The following ALG9 variants were observed in gnomAD, a reference collection of about 807,000 sequenced individuals.
The protein encoded by ALG9 is alpha-1,2-mannosyltransferase ALG9.
ALG9 carries 55 observed loss-of-function variants against 81.8 expected under a neutral mutation model. That is an observed-to-expected ratio of 0.67 (90% confidence interval 0.54 to 0.84). The LOEUF is 0.84. ALG9 is among the 40% of genes least tolerant of loss of function. ALG9 has a pLI of 0.00. For missense variants in ALG9, 629 were observed against 745.0 expected (o/e 0.84, Z 1.81); for synonymous variants, 278 against 274.3 (o/e 1.01, Z -0.13).
chr11:111,825,371 A>T (rs1201091270), intron 13 of ALG9, among the ~76,000 whole-genome samples: 5 of 152,264 alleles, frequency 3.3e-5, no homozygotes. Flanking sequence ...ACACCGTCAC[A>T]TACATAAATA....
intron 13 of ALG9, 137 bp from the exon 14 acceptor site, chr11:111,809,910 C>T (rs1555089596): frequency 2.1e-6 from 2 of 949,602 alleles, no homozygotes; most frequent in African/African-American, 1.6e-5. Flanking sequence ...GTTGCCTATG[C>T]TCTCTCCACT....
At chr11:111,871,240 CGCGGTG>C in intron 1 of ALG9, 106 bp downstream of exon 1, 2 of 1,315,250 alleles carry the variant, frequency 1.5e-6, no homozygotes, top group Non-Finnish European at 1.9e-6. Context: ...TCGGGCCTCC[CGCGGTG>C]AGGCCAGGCC....
chr11:111,850,998 G>A (rs998494506), intron 8 of ALG9, among the ~76,000 whole-genome samples: 1 of 152,196 alleles, frequency 6.6e-6, no homozygotes, highest in Admixed American at 6.5e-5. Context: ...CTCTTTCCCT[G>A]TTAAACGCTG....
chr11:111,847,729 A>G (rs1365690044), intron 8 of ALG9, among the ~76,000 whole-genome samples: 1 of 152,104 alleles, frequency 6.6e-6, no homozygotes, highest in Non-Finnish European at 1.5e-5. Flanking sequence ...TCTAAGTGCC[A>G]AATGTTCTTT....
chr11:111,829,011 C>G (rs1388405845), intron 13 of ALG9: 1 of 152,158 alleles, frequency 6.6e-6, no homozygotes, highest in Non-Finnish European at 1.5e-5. Flanking sequence ...AAAACACCAA[C>G]TGTCTACTGC....
rs572807870 is a variant in ALG9, at chr11:111,793,739, T to G, written c.1734-7219A>C. Among the ~76,000 whole-genome samples, 4 of 134,246 alleles carry G rather than the reference T, an allele frequency of 3.0e-5. No individual in the cohort carries two copies. The East Asian group carries it at 6.3e-4, about 21-fold the overall frequency. 88.1% of individuals were successfully genotyped at this position (134,246 alleles called of 152,430 possible). ...TCGCGCCACTGCACTCCAGCCTGGG[T>G]GACAGAGTGAGAGTCCAGCTCAAAA... On this transcript the variant is annotated intron_variant, in intron 14 of 14. Coordinates refer to ENST00000616540, the MANE Select transcript of ALG9 (RefSeq NM_024740.2).
In ALG9 at chr11:111,786,406, A is replaced by G. The variant is rs1946473966; in HGVS notation, c.1848T>C (p.Ser616=). Residue 616 remains serine, a synonymous_variant, in exon 15 of 15, where the codon AGT becomes AGC. Coordinates refer to ENST00000616540, the MANE Select transcript of ALG9 (RefSeq NM_024740.2). The part of the protein sequence containing the change: ...PRKAKQIRKK[S]GG ...GGCCACAGGTGTGTTGCTAACCTCC[A>G]CTTTTCTTCCTGATTTGCTTTGCTT... 1 of 1,613,850 alleles carries G rather than the reference A, an allele frequency of 6.2e-7. No homozygotes were observed. The highest frequency in any genetic ancestry group is 8.5e-7 in the Non-Finnish European group (1 of 1,179,962).
chr11:111,821,773 C>T (rs1029152397), intron 13 of ALG9, among the ~76,000 whole-genome samples: 1 of 151,994 alleles, frequency 6.6e-6, no homozygotes, highest in Non-Finnish European at 1.5e-5. Context: ...GTAGCTGGGA[C>T]TACAGGCGCC....
intron 8 of ALG9, chr11:111,845,529 T>G (rs1956828555): frequency 6.6e-6 from 1 of 152,336 alleles, no homozygotes; most frequent in South Asian, 2.1e-4. Flanking sequence ...GGATTCAGAA[T>G]GAAGCAAAAT....
chr11:111,805,246 G>C (rs782790917), intron 14 of ALG9: 7 of 456,302 alleles, frequency 1.5e-5, no homozygotes, highest in South Asian at 9.3e-5. Flanking sequence ...GCTGTCTGCA[G>C]CCAGAAAGAT....
At chr11:111,849,088 T>C (rs1957358050) in intron 8 of ALG9, among the ~76,000 whole-genome samples, 1 of 152,072 alleles carries the variant, frequency 6.6e-6, no homozygotes, top group South Asian at 2.1e-4. Context: ...TCTCCCTCTG[T>C]CGCCCAGGCT....
At chr11:111,864,228 G>T in intron 4 of ALG9, 2 of 785,950 alleles carry the variant, frequency 2.5e-6, no homozygotes, top group South Asian at 2.8e-5. Flanking sequence ...ACCAACCCAC[G>T]AACTGGCCCG....
rs1285218851 is a variant in ALG9 at position 111,793,484 on chromosome 11, A to C, written c.1734-6964T>G. 1.3e-5 allele frequency among the ~76,000 whole-genome samples: 2 copies of C among 152,134 alleles called. 1 individual carries two copies. Among genetic ancestry groups the C allele is most frequent in the African/African-American group, 4.8e-5 (2 of 41,432 alleles). On this transcript the variant is annotated intron_variant, in intron 14 of 14. Coordinates refer to ENST00000616540, the MANE Select transcript of ALG9 (RefSeq NM_024740.2). Reference sequence around the variant, plus strand: ...CCTTTATAAAAGGAAAGAGCGGGCCAGGCATGGTGGCTCACGCCTGTAATC... The same window carrying C: ...CCTTTATAAAAGGAAAGAGCGGGCCCGGCATGGTGGCTCACGCCTGTAATC...
chr11:111,842,676 G>A (rs1019325404), intron 9 of ALG9, among the ~76,000 whole-genome samples: 3 of 149,734 alleles, frequency 2.0e-5, no homozygotes, highest in Non-Finnish European at 4.5e-5. Context: ...CTCCCACCTC[G>A]TGCTCCCAAA....
chr11:111,860,817 G>C (rs117436950), intron 4 of ALG9, among the ~76,000 whole-genome samples, 182 bp from the exon 5 acceptor site: 4 of 152,194 alleles, frequency 2.6e-5, no homozygotes, highest in South Asian at 2.1e-4. Flanking sequence ...TTCTGACACA[G>C]AAGAGAAGCT....
chr11:111,860,384 G>A (rs782399839), intron 5 of ALG9, among the ~76,000 whole-genome samples, 163 bp downstream of exon 5: 1 of 152,244 alleles, frequency 6.6e-6, no homozygotes, highest in Non-Finnish European at 1.5e-5. Flanking sequence ...GTAGATAACA[G>A]TGCTCTGCAA....
chr11:111,792,209 T>C (rs771219757), intron 14 of ALG9, among the ~76,000 whole-genome samples: 2 of 152,220 alleles, frequency 1.3e-5, no homozygotes, highest in African/African-American at 4.8e-5. Flanking sequence ...ACAATTTGTA[T>C]TATTTATTTG....
rs143710061 is a variant in ALG9 at position 111,867,079 on chromosome 11, A to G, written c.405+1523T>C. Among the ~76,000 whole-genome samples, 12 of 152,370 alleles carry G rather than the reference A, an allele frequency of 7.9e-5. No individual in the cohort carries two copies. In the East Asian group the frequency reaches 1.9e-3, roughly 24 times the overall value. On this transcript the variant is annotated intron_variant, in intron 3 of 14. Coordinates refer to ENST00000616540, the MANE Select transcript of ALG9 (RefSeq NM_024740.2). ...CACTGCACTCCAGCCTGGGCGACAG[A>G]GTGAGACTTCGTCTCAAAAACAAAC... is the stretch of plus-strand genomic sequence containing the variant.
chr11:111,824,177 T>G (rs1458244006), intron 13 of ALG9, among the ~76,000 whole-genome samples: 2 of 152,220 alleles, frequency 1.3e-5, no homozygotes, highest in African/African-American at 4.8e-5. Flanking sequence ...TTTTAAAATA[T>G]CAGTGTATAT....
Sources: gnomAD v4.1 joint callset for allele counts (sites outside exome capture counted in the v4.1 genomes callset) on GRCh38, gnomAD v4.1.1 for gene constraint, MANE v1.5 for transcripts, NCBI Gene and HGNC (gene_info 2026-07-23, HGNC 2026-07-21) for gene names.